The following NEBL variants were observed in gnomAD, a reference collection of about 807,000 sequenced individuals.
NEBL encodes the protein LIM and SH3 protein 2.
In NEBL, 122 loss-of-function variants were observed where a neutral mutation model predicts 140.2. That is an observed-to-expected ratio of 0.87 (90% CI 0.75 to 1.01). The LOEUF (loss-of-function observed/expected upper bound fraction) is 1.01, where lower values mean the gene tolerates loss of function less well. NEBL is among the 50% of genes least tolerant of loss of function. The pLI is 0.00. For synonymous variants in NEBL, 436 were observed against 398.9 expected, an observed-to-expected ratio of 1.09 and a Z score of -1.11; for missense variants, 1,365 against 1,231.3, an observed-to-expected ratio of 1.11 and a Z score of -1.62.
chr10:21,188,598 C>CTTTAT (rs1295293914), intron 3 of NEBL, among the ~76,000 whole-genome samples: 1 of 125,922 alleles, frequency 7.9e-6, no homozygotes, highest in Non-Finnish European at 1.7e-5. Context: ...ATAGTAAAAT[C>CTTTAT]TTTTTTTTTT....
At chr10:21,076,343 G>A (rs533956212) in intron 2 of NEBL, among the ~76,000 whole-genome samples, 2 of 149,866 alleles carry the variant, frequency 1.3e-5, no homozygotes. Context: ...TACTCAGAAG[G>A]CTGAGGCAGG....
At chr10:21,161,440 G>C (rs1231514072) in intron 2 of NEBL, among the ~76,000 whole-genome samples, 2 of 152,114 alleles carry the variant, frequency 1.3e-5, no homozygotes, top group Non-Finnish European at 2.9e-5. Context: ...AACAAAGCTA[G>C]ATGGGCAATC....
intron 4 of NEBL, among the ~76,000 whole-genome samples, chr10:20,958,171 A>G (rs16921283): frequency 0.026 from 3,973 of 152,142 alleles, 148 homozygotes; most frequent in African/African-American, 0.085. Context: ...AGGGTGTTTC[A>G]TTTTTTTTAA....
chr10:20,918,801 A>T (rs1833438906), intron 4 of NEBL, among the ~76,000 whole-genome samples: 1 of 152,014 alleles, frequency 6.6e-6, no homozygotes, highest in African/African-American at 2.4e-5. Flanking sequence ...CAGTGAGCCG[A>T]GATTGCACCA....
intron 3 of NEBL, among the ~76,000 whole-genome samples, chr10:21,233,088 A>T (rs1234656963): frequency 6.6e-6 from 1 of 152,170 alleles, no homozygotes; most frequent in Non-Finnish European, 1.5e-5. Context: ...ATTGAGACAG[A>T]GTCTCACTCT....
At chr10:21,190,178 C>G (rs1039291452) in intron 3 of NEBL, among the ~76,000 whole-genome samples, 5 of 152,114 alleles carry the variant, frequency 3.3e-5, no homozygotes, top group African/African-American at 4.8e-5. Flanking sequence ...ACTGAAAAGA[C>G]AACACAAGAT....
At chr10:21,270,911 T>C (rs1470926286) in intron 1 of NEBL, among the ~76,000 whole-genome samples, 1 of 152,172 alleles carries the variant, frequency 6.6e-6, no homozygotes, top group Non-Finnish European at 1.5e-5. Flanking sequence ...GATCTCCTCA[T>C]CTCTGTTGGT....
Position 20,951,027 on chromosome 10 carries a change from T to C in NEBL, c.357+10645A>G, listed in dbSNP as rs141877196. Among the ~76,000 whole-genome samples, 163 of 152,296 alleles carry C rather than the reference T, an allele frequency of 1.1e-3. 1 individual carries two copies. The East Asian group carries it at 0.026, about 24-fold the overall frequency. On this transcript the variant is annotated intron_variant, in intron 4 of 6. Transcript: ENST00000417816. ...GCTCATACCTGTAATCCCAGCACTT[T>C]AGGAAGCTGAGATGGGAGGATGGCT...
intron 2 of NEBL, among the ~76,000 whole-genome samples, chr10:21,138,259 A>G (rs1034644849): frequency 6.6e-6 from 1 of 152,166 alleles, no homozygotes; most frequent in South Asian, 2.1e-4. Flanking sequence ...AATTTCCAAG[A>G]TCAAGGAGAA....
intron 2 of NEBL, among the ~76,000 whole-genome samples, chr10:21,104,898 A>G (rs1434758073): frequency 2.0e-5 from 3 of 152,230 alleles, no homozygotes; most frequent in Non-Finnish European, 4.4e-5. Context: ...AGAAGTTTCC[A>G]TCTATGCCCA....
chr10:21,172,570 C>T, intron 1 of NEBL: 3 of 841,696 alleles, frequency 3.6e-6, no homozygotes, highest in Non-Finnish European at 5.9e-6. Context: ...GCATCACAGT[C>T]CCTGTAGCTG....
chr10:21,233,191 G>A (rs1045944024), intron 3 of NEBL, among the ~76,000 whole-genome samples: 2 of 152,148 alleles, frequency 1.3e-5, no homozygotes, highest in Admixed American at 1.3e-4. Context: ...CTTCTGTGTA[G>A]CTGGGACTAC....
At chr10:21,163,189 G>T (rs144959952) in intron 2 of NEBL, among the ~76,000 whole-genome samples, 1 of 152,188 alleles carries the variant, frequency 6.6e-6, no homozygotes, top group Admixed American at 6.5e-5. Context: ...GGCTCTGAAA[G>T]TCTGCTAGAA....
At chr10:20,874,200 G>A (rs911256617) in intron 5 of NEBL, among the ~76,000 whole-genome samples, 3 of 151,968 alleles carry the variant, frequency 2.0e-5, no homozygotes, top group Non-Finnish European at 4.4e-5. Context: ...TAATCCCTTT[G>A]TAGTGGGCAT....
chr10:21,110,896 A>C (rs1837976806), intron 2 of NEBL: 2 of 582,110 alleles, frequency 3.4e-6, no homozygotes, highest in Non-Finnish European at 6.6e-6. Context: ...AACTTTGAAA[A>C]TGTCTGTACA....
At chr10:21,044,397 TAAAAAAAAAA>T (rs57176129) in intron 2 of NEBL, among the ~76,000 whole-genome samples, 4 of 34,866 alleles carry the variant, frequency 1.1e-4, no homozygotes, top group South Asian at 4.8e-3. Flanking sequence ...AGAGTAAGAA[TAAAAAAAAAA>T]AAAAAAAAAA....
intron 3 of NEBL, among the ~76,000 whole-genome samples, chr10:21,004,061 T>A (rs1838017799): frequency 6.6e-6 from 1 of 152,240 alleles, no homozygotes; most frequent in South Asian, 2.1e-4. Flanking sequence ...TGAAATTTTT[T>A]CTTATACGCA....
At chr10:20,803,346 C>G (rs543039621) in intron 26 of NEBL, among the ~76,000 whole-genome samples, 1 of 151,982 alleles carries the variant, frequency 6.6e-6, no homozygotes, top group African/African-American at 2.4e-5. Flanking sequence ...GTGTATATAT[C>G]GAAACATCCC....
chr10:21,260,658 G>A (rs1031816421), intron 1 of NEBL, among the ~76,000 whole-genome samples: 47 of 152,192 alleles, frequency 3.1e-4, no homozygotes, highest in African/African-American at 1.1e-3. Flanking sequence ...AACCAGACAG[G>A]CAGAGCTTTC....
Sources: allele counts gnomAD v4.1 joint callset (sites outside exome capture counted in the v4.1 genomes callset), GRCh38; gene constraint gnomAD v4.1.1; transcripts MANE v1.5; gene names NCBI Gene and HGNC (gene_info 2026-07-23, HGNC 2026-07-21).